FAM3B: variants seen among roughly 807,000 people sequenced by gnomAD.
The protein encoded by FAM3B is FAM3 metabolism regulating signaling molecule B, also known as protein FAM3B.
A neutral mutation model predicts 28.4 loss-of-function variants in FAM3B; 29 were observed. The ratio of observed to expected loss-of-function variants is 1.02; its 90% confidence interval spans 0.76 to 1.39. FAM3B has a LOEUF of 1.39. FAM3B is among the 40% of genes most tolerant of loss of function. FAM3B has a pLI of 0.00. For missense variants in FAM3B, 266 were observed against 293.9 expected (o/e 0.91, Z 0.69); for synonymous variants, 91 against 103.0 (o/e 0.88, Z 0.71).
At position 41,326,307 on chromosome 21, in the gene FAM3B, A is replaced by G. The variant is rs1184508258; in HGVS notation, c.163+3241A>G. On this transcript the variant is annotated intron_variant, in intron 2 of 7. Coordinates refer to ENST00000357985, the MANE Select transcript of FAM3B (RefSeq NM_058186.4). This position sits in a 1 kb window ranked among gnomAD's most constrained non-coding sequence, Gnocchi z 4.0. ...TCTTTCTTCATTCACGTGGTGACAC[A>G]TTGTGCTTCTGGGAAACGGATGGGG... 1.3e-5 allele frequency among the ~76,000 whole-genome samples: 2 copies of G among 152,202 alleles called. No individual in the cohort carries two copies. Among genetic ancestry groups the G allele is most frequent in the Admixed American group, 6.5e-5 (1 of 15,286 alleles).
chr21:41,318,991 C>T (rs1216321262), intron 1 of FAM3B, among the ~76,000 whole-genome samples: 1 of 152,196 alleles, frequency 6.6e-6, no homozygotes, highest in Non-Finnish European at 1.5e-5. Context: ...CTTCTAGGTT[C>T]ACGAAATCCT....
chr21:41,322,562 G>A, intron 1 of FAM3B: 1 of 715,964 alleles, frequency 1.4e-6, no homozygotes, highest in African/African-American at 1.7e-5. Flanking sequence ...TCTCACAAAG[G>A]GAATGAGGCG....
At chr21:41,340,623 C>A (rs1382834198) in intron 3 of FAM3B, among the ~76,000 whole-genome samples, 2 of 152,154 alleles carry the variant, frequency 1.3e-5, no homozygotes, top group Non-Finnish European at 1.5e-5. Flanking sequence ...TGACCAAAGT[C>A]ATATGAAATA....
At chr21:41,314,916 C>T (rs1019633714), upstream of FAM3B, among the ~76,000 whole-genome samples, 1 of 152,112 alleles carries the variant, frequency 6.6e-6, no homozygotes, top group African/African-American at 2.4e-5. Context: ...TCGTATGATC[C>T]AGCAATTCCA....
chr21:41,305,590 T>A (rs2123681178), intron 1 of FAM3B, among the ~76,000 whole-genome samples: 1 of 152,340 alleles, frequency 6.6e-6, no homozygotes, highest in African/African-American at 2.4e-5. Flanking sequence ...AATATCACAA[T>A]GAAGTGTGTC....
intron 2 of FAM3B, among the ~76,000 whole-genome samples, chr21:41,325,484 T>C (rs1035485271): frequency 2.0e-5 from 3 of 152,234 alleles, no homozygotes; most frequent in African/African-American, 7.2e-5. Flanking sequence ...TCCTCATTTA[T>C]AGGAGTTAAA....
intron 2 of FAM3B, among the ~76,000 whole-genome samples, chr21:41,337,749 GGT>G (rs981207750): frequency 5.9e-5 from 9 of 151,720 alleles, no homozygotes; most frequent in East Asian, 1.9e-4. Flanking sequence ...GTGAGTACAT[GGT>G]GTGTGTGTGA....
intron 2 of FAM3B, among the ~76,000 whole-genome samples, chr21:41,329,573 C>CTTTT (rs1166660173): frequency 7.0e-6 from 1 of 143,564 alleles, no homozygotes; most frequent in African/African-American, 2.5e-5. Flanking sequence ...TTTCTTTTTC[C>CTTTT]TTTTTTTTTT....
intron 7 of FAM3B, among the ~76,000 whole-genome samples, chr21:41,355,480 A>G (rs2089156999): frequency 6.6e-6 from 1 of 152,244 alleles, no homozygotes. Context: ...CATACAATGG[A>G]ATATATTCAA....
At chr21:41,350,707 G>C (rs1441221449) in intron 7 of FAM3B, among the ~76,000 whole-genome samples, 1 of 152,230 alleles carries the variant, frequency 6.6e-6, no homozygotes, top group Admixed American at 6.5e-5. Flanking sequence ...CACGGGGAAG[G>C]GAGCCTCCTT....
At chr21:41,322,356 G>A (rs1213260315) in intron 1 of FAM3B, among the ~76,000 whole-genome samples, 2 of 152,166 alleles carry the variant, frequency 1.3e-5, no homozygotes, top group Non-Finnish European at 2.9e-5. Flanking sequence ...AGGCACATCC[G>A]GGATGATAGA....
At chr21:41,328,860 G>A (rs11911807) in intron 2 of FAM3B, among the ~76,000 whole-genome samples, 1 of 152,132 alleles carries the variant, frequency 6.6e-6, no homozygotes, top group Non-Finnish European at 1.5e-5. Flanking sequence ...ACCTACTGGG[G>A]ACGGAGGACT....
chr21:41,348,840 G>C, intron 7 of FAM3B, 116 bp downstream of exon 7: 3 of 1,139,622 alleles, frequency 2.6e-6, no homozygotes, highest in Non-Finnish European at 3.9e-6. Context: ...TGTGTCAGCT[G>C]TTTCCATGAG....
intron 1 of FAM3B, chr21:41,319,695 G>A (rs73226110): frequency 0.089 from 13,576 of 152,396 alleles, 631 homozygotes; most frequent in Admixed American, 0.11. Flanking sequence ...AGGCTGCCTC[G>A]GCTCCTGCCC....
chr21:41,316,907 G>A lies in FAM3B; in HGVS notation c.19+9G>A. The stretch of plus-strand genomic sequence containing the variant: ...GCGCCCATTGGCTGGTGGTGAGTGC[G>A]CCCCCGCCTCGGGGCGAGGGTAGGG... On this transcript the variant is annotated intron_variant, in intron 1 of 7. Coordinates refer to ENST00000357985, the MANE Select transcript of FAM3B (RefSeq NM_058186.4). 7.4e-7 allele frequency: 1 copy of A among 1,359,208 alleles called. No homozygotes were observed. Among genetic ancestry groups the A allele is most frequent in the South Asian group, 1.8e-5 (1 of 55,598 alleles). The allele number at this position is 1,359,208 out of a possible 1,614,324, so 84.2% of individuals were successfully genotyped here. A position where few individuals can be genotyped will look rare whatever the true frequency, so the allele number is the denominator to read the frequency against.
chr21:41,317,703 C>T (rs1211127009), intron 1 of FAM3B, among the ~76,000 whole-genome samples: 1 of 152,116 alleles, frequency 6.6e-6, no homozygotes, highest in African/African-American at 2.4e-5. Flanking sequence ...CGGTAGATCA[C>T]TTCCTGGTCC....
intron 3 of FAM3B, 139 bp downstream of exon 3, chr21:41,338,640 A>C: frequency 8.9e-7 from 1 of 1,118,024 alleles, no homozygotes; most frequent in Non-Finnish European, 1.2e-6. Flanking sequence ...AGAGCATCCA[A>C]GTGGAAATGA....
intron 4 of FAM3B, among the ~76,000 whole-genome samples, chr21:41,345,015 G>A (rs2089043202): frequency 6.6e-6 from 1 of 152,268 alleles, no homozygotes; most frequent in Non-Finnish European, 1.5e-5. Context: ...GGGGCCCAGA[G>A]GAGAAGGAAA....
chr21:41,323,646 C>T (rs559852878), intron 2 of FAM3B, among the ~76,000 whole-genome samples: 27 of 152,256 alleles, frequency 1.8e-4, no homozygotes, highest in Admixed American at 8.5e-4. Context: ...TAAGGAGAGA[C>T]GGAGGACAAG....
Sources: allele counts gnomAD v4.1 joint callset (sites outside exome capture counted in the v4.1 genomes callset), GRCh38; gene constraint gnomAD v4.1.1; non-coding constraint Gnocchi (gnomAD v3.1); transcripts MANE v1.5; gene names NCBI Gene and HGNC (gene_info 2026-07-23, HGNC 2026-07-21).